NF1: variants seen among roughly 807,000 people sequenced by gnomAD.
NF1 encodes the protein neurofibromin 1, also known as neurofibromin.
A neutral mutation model predicts 325.7 loss-of-function variants in NF1; 122 were observed. The ratio of observed to expected loss-of-function variants is 0.37; its 90% CI spans 0.32 to 0.44. NF1 has a LOEUF of 0.44. Ranked by LOEUF, NF1 falls within the 20% of genes least tolerant of loss-of-function variation. The pLI, the probability that NF1 is intolerant of heterozygous loss-of-function variation, is 1.00. For missense variants in NF1, 2,140 were observed against 3,415.4 expected (o/e 0.63, Z 9.31); for synonymous variants, 1,091 against 1,186.0 (o/e 0.92, Z 1.65).
chr17:31,148,462 T>C (rs1567810986), intron 1 of NF1, among the ~76,000 whole-genome samples: 1 of 151,772 alleles, frequency 6.6e-6, no homozygotes, highest in Non-Finnish European at 1.5e-5. Flanking sequence ...TTCCTTTTAC[T>C]GGGAAATGGT....
chr17:31,371,799 A>G (rs759078275), intron 57 of NF1, among the ~76,000 whole-genome samples: 6 of 152,246 alleles, frequency 3.9e-5, no homozygotes, highest in Non-Finnish European at 7.3e-5. Context: ...TGCAGTGCAC[A>G]TGTTCATAAA....
At chr17:31,213,346 C>T (rs1428976249) in intron 12 of NF1, among the ~76,000 whole-genome samples, 1 of 152,154 alleles carries the variant, frequency 6.6e-6, no homozygotes, top group African/African-American at 2.4e-5. Flanking sequence ...AATAGCTATT[C>T]TTCCCCGCAA....
intron 15 of NF1, chr17:31,222,515 G>T: frequency 9.7e-7 from 1 of 1,026,676 alleles, no homozygotes; most frequent in Non-Finnish European, 1.2e-6. Context: ...GAATGGGTGT[G>T]CTAAGTTACT....
intron 50 of NF1, among the ~76,000 whole-genome samples, chr17:31,351,394 A>G (rs1450217675): frequency 6.6e-6 from 1 of 152,130 alleles, no homozygotes; most frequent in Non-Finnish European, 1.5e-5. Context: ...CTACAATGTA[A>G]ACATTTTATT....
intron 1 of NF1, among the ~76,000 whole-genome samples, chr17:31,111,002 C>A (rs1913357900): frequency 6.6e-6 from 1 of 152,058 alleles, no homozygotes; most frequent in Admixed American, 6.6e-5. Context: ...ACTCCCAGGG[C>A]TTAGTATAGT....
chr17:31,191,957 G>A (rs2066349683), intron 8 of NF1, among the ~76,000 whole-genome samples: 1 of 152,116 alleles, frequency 6.6e-6, no homozygotes, highest in African/African-American at 2.4e-5. Flanking sequence ...CTGTTATGTT[G>A]CTTCCAGTTC....
chr17:31,292,530 A>C (rs996169753), intron 36 of NF1, among the ~76,000 whole-genome samples: 4 of 151,996 alleles, frequency 2.6e-5, no homozygotes, highest in African/African-American at 9.7e-5. Context: ...TCCTTGTGGA[A>C]CCTATTTATA....
chr17:31,282,245 G>A (rs1021765422), intron 36 of NF1, among the ~76,000 whole-genome samples: 3 of 151,794 alleles, frequency 2.0e-5, no homozygotes, highest in Non-Finnish European at 4.4e-5. Flanking sequence ...AGCTGGGCGC[G>A]GTGGCAGGCA....
chr17:31,248,401 T>C (rs949631742), intron 29 of NF1, among the ~76,000 whole-genome samples: 1 of 152,218 alleles, frequency 6.6e-6, no homozygotes, highest in Admixed American at 6.5e-5. Context: ...TTCTAACATA[T>C]ACAGACTTAA....
intron 8 of NF1, among the ~76,000 whole-genome samples, chr17:31,199,573 ACATTTGAG>A (rs2066490859): frequency 6.6e-6 from 1 of 152,194 alleles, no homozygotes; most frequent in Non-Finnish European, 1.5e-5. Flanking sequence ...TTGACATGTT[ACATTTGAG>A]CATTCATTTA....
At chr17:31,227,656 T>C in intron 20 of NF1, 50 bp downstream of exon 20, 1 of 1,454,986 alleles carries the variant, frequency 6.9e-7, no homozygotes, top group Non-Finnish European at 9.7e-7. Context: ...GCTAAATATA[T>C]GTACTTCACT....
At chr17:31,198,737 C>T (rs1047840679) in intron 8 of NF1, among the ~76,000 whole-genome samples, 13 of 152,086 alleles carry the variant, frequency 8.5e-5, no homozygotes, top group East Asian at 5.8e-4. Flanking sequence ...GCTTCAGCTT[C>T]CCTAGTAGCT....
chr17:31,193,410 G>A (rs1316062661), intron 8 of NF1, among the ~76,000 whole-genome samples: 1 of 152,102 alleles, frequency 6.6e-6, no homozygotes, highest in African/African-American at 2.4e-5. Context: ...GGGCTTATGC[G>A]ATCTTCTTCC....
At chr17:31,176,735 G>A (rs750251190) in intron 5 of NF1, among the ~76,000 whole-genome samples, 3 of 152,192 alleles carry the variant, frequency 2.0e-5, no homozygotes, top group Non-Finnish European at 1.5e-5. Flanking sequence ...TGGCTAGCCA[G>A]TTTTGCCAGT....
rs1213700958 is a variant in NF1, at chr17:31,295,199, A to G, written c.4835+29860A>G. 2 of 1,614,128 alleles carry G rather than the reference A, an allele frequency of 1.2e-6. No individual in the cohort carries two copies. The highest frequency in any genetic ancestry group is 1.7e-5 in the Admixed American group (1 of 60,012). ...CATGCCACTAGTGATACTTAGGGTC[A>G]TGGGTGTTGGGGATGATTTTGTTGA... is the stretch of plus-strand genomic sequence containing the variant. On this transcript the variant is annotated intron_variant, in intron 36 of 57. Transcript: ENST00000358273.
At chr17:31,198,796 A>G (rs1294783262) in intron 8 of NF1, among the ~76,000 whole-genome samples, 1 of 151,750 alleles carries the variant, frequency 6.6e-6, no homozygotes, top group African/African-American at 2.4e-5. Context: ...TGTCTTCTTT[A>G]CAGTAGAGAT....
chr17:31,352,438 AT>A (rs757338143), intron 51 of NF1, 24 bp downstream of exon 51: 17 of 1,515,600 alleles, frequency 1.1e-5, no homozygotes, highest in South Asian at 2.6e-5. Flanking sequence ...AATTATGTAG[AT>A]TTTTTTTATT....
At chr17:31,316,999 T>C (rs2069037274) in intron 36 of NF1, among the ~76,000 whole-genome samples, 1 of 152,126 alleles carries the variant, frequency 6.6e-6, no homozygotes, top group African/African-American at 2.4e-5. Context: ...ACATGGGAAT[T>C]AGGCATTGGT....
intron 36 of NF1, among the ~76,000 whole-genome samples, chr17:31,303,044 T>G (rs537266169): frequency 2.5e-4 from 38 of 152,284 alleles, no homozygotes; most frequent in African/African-American, 8.9e-4. Flanking sequence ...AAAATTCCTG[T>G]GTCCAAAACC....
Sources: allele counts gnomAD v4.1 joint callset (sites outside exome capture counted in the v4.1 genomes callset), GRCh38; gene constraint gnomAD v4.1.1; transcripts MANE v1.5; gene names NCBI Gene and HGNC (gene_info 2026-07-23, HGNC 2026-07-21).